The following GRAMD4 variants were observed in gnomAD, a reference collection of about 807,000 sequenced individuals.
GRAMD4 encodes the protein GRAM domain-containing protein 4.
GRAMD4 carries 25 observed loss-of-function variants against 83.9 expected under a neutral mutation model. The observed-to-expected ratio is 0.30, with a 90% CI of 0.22 to 0.42. The LOEUF (loss-of-function observed/expected upper bound fraction) is 0.42, where lower values mean the gene tolerates loss of function less well. Ranked by LOEUF, GRAMD4 falls within the 10% of genes least tolerant of loss-of-function variation. GRAMD4 has a pLI of 1.00. For missense variants in GRAMD4, 593 were observed against 788.7 expected (o/e 0.75, Z 2.97); for synonymous variants, 336 against 320.9 (o/e 1.05, Z -0.50).
chr22:46,676,732 C>A, intron 18 of GRAMD4, 64 bp downstream of exon 18: 1 of 1,423,526 alleles, frequency 7.0e-7, no homozygotes, highest in Non-Finnish European at 9.6e-7. Flanking sequence ...CTCTGAGCAA[C>A]CCTGGGACCA....
rs1458181211 is a variant in GRAMD4, at chr22:46,658,181, C to T, written c.284-6C>T. On this transcript the variant is annotated splice_region_variant and splice_polypyrimidine_tract_variant and intron_variant, in intron 3 of 18. Coordinates refer to ENST00000406902, the MANE Select transcript of GRAMD4 (RefSeq NM_015124.5). The stretch of plus-strand genomic sequence containing the variant: ...GATGGTCACCTGGCCGTTCTCTCCC[C>T]CATAGAGGAGGAGCTCCGGAAGCTG... 1 of 1,613,542 alleles carries T rather than the reference C, an allele frequency of 6.2e-7. No individual in the cohort carries two copies. The highest frequency in any genetic ancestry group is 8.5e-7 in the Non-Finnish European group (1 of 1,179,924).
At position 46,677,508 on chromosome 22, in the gene GRAMD4, G is replaced by A. The variant is rs2082617109; in HGVS notation, c.*257G>A. The A allele has an allele frequency of 6.4e-6, 8 of 1,256,464 alleles. No homozygotes were observed. The highest frequency in any genetic ancestry group is 8.0e-6 in the Non-Finnish European group (8 of 995,848). The allele number at this position is 1,256,464 out of a possible 1,614,324, so 77.8% of individuals were successfully genotyped here. On this transcript the variant is annotated 3_prime_UTR_variant, in exon 19 of 19. Transcript: ENST00000406902. ...GGGCCACCCGCAGACTGGGGGAGGG[G>A]GCAGAGGCCCTCGGGGGCCCGTGGA...
chr22:46,590,812 A>G (rs921842634), intron 1 of GRAMD4, among the ~76,000 whole-genome samples: 9 of 152,174 alleles, frequency 5.9e-5, no homozygotes, highest in African/African-American at 2.2e-4. Flanking sequence ...TGTAATCCCA[A>G]CACTTTGGGA....
chr22:46,611,585 C>T (rs1465132169), intron 1 of GRAMD4, among the ~76,000 whole-genome samples: 2 of 152,172 alleles, frequency 1.3e-5, no homozygotes, highest in South Asian at 2.1e-4. Context: ...TTGTCACTCT[C>T]GTCCTTTCAT....
rs764803035 is a variant in GRAMD4 at position 46,637,977 on chromosome 22, G to T, written c.283+17G>T. 2 of 1,611,790 alleles carry T rather than the reference G, an allele frequency of 1.2e-6. No individual in the cohort carries two copies. Among genetic ancestry groups the T allele is most frequent in the Non-Finnish European group, 1.7e-6 (2 of 1,178,580 alleles). Reference sequence around the variant, plus strand: ...ATTTCTTACGTGAGTACCAGAAAGCGCTTGGAGGGGATGGGACAAGGTGGG... The same window carrying T: ...ATTTCTTACGTGAGTACCAGAAAGCTCTTGGAGGGGATGGGACAAGGTGGG... On this transcript the variant is annotated intron_variant, in intron 3 of 18. Coordinates refer to ENST00000406902, the MANE Select transcript of GRAMD4 (RefSeq NM_015124.5).
chr22:46,624,693 A>G (rs2081628180), intron 1 of GRAMD4, among the ~76,000 whole-genome samples: 1 of 152,032 alleles, frequency 6.6e-6, no homozygotes, highest in South Asian at 2.1e-4. Context: ...TGCAATTTGT[A>G]GCTCCTATAT....
intron 1 of GRAMD4, among the ~76,000 whole-genome samples, chr22:46,587,146 G>A (rs1468903129): frequency 6.6e-6 from 1 of 152,208 alleles, no homozygotes; most frequent in Non-Finnish European, 1.5e-5. Context: ...CTGGGGGAAT[G>A]CTCAGCTGAC....
At chr22:46,653,013 G>T (rs993285394) in intron 3 of GRAMD4, among the ~76,000 whole-genome samples, 1 of 152,220 alleles carries the variant, frequency 6.6e-6, no homozygotes, top group Non-Finnish European at 1.5e-5. Flanking sequence ...AGAGACAGCA[G>T]CTTGGCCTTG....
chr22:46,654,254 G>A (rs572004034), intron 3 of GRAMD4, among the ~76,000 whole-genome samples: 93 of 152,304 alleles, frequency 6.1e-4, no homozygotes, highest in African/African-American at 2.2e-3. Flanking sequence ...ACCCCTCGGA[G>A]GAAGGGTCCC....
intron 6 of GRAMD4, among the ~76,000 whole-genome samples, chr22:46,663,506 C>T (rs1262799830): frequency 6.6e-6 from 1 of 152,226 alleles, no homozygotes; most frequent in Non-Finnish European, 1.5e-5. Flanking sequence ...CTGCCAGGTG[C>T]TGCCATAGGC....
chr22:46,582,293 T>G (rs2081106065), intron 1 of GRAMD4, among the ~76,000 whole-genome samples: 1 of 151,930 alleles, frequency 6.6e-6, no homozygotes, highest in Admixed American at 6.6e-5. Flanking sequence ...GCCACCAAAC[T>G]CCCGAGAAGC....
At position 46,668,911 on chromosome 22, in the gene GRAMD4, A is replaced by G. The variant is rs764985434; in HGVS notation, c.1084+3A>G. The G allele has an allele frequency of 1.3e-6, 2 of 1,545,290 alleles. No individual in the cohort carries two copies. Among genetic ancestry groups the G allele is most frequent in the South Asian group, 2.2e-5 (2 of 89,784 alleles). ...CCGCCTGGTGGGGCTTGCCGTGGGT[A>G]AGTAGATGCACCTGCGGCCTGTAGC... On this transcript the variant is annotated splice_donor_region_variant and intron_variant, in intron 13 of 18. Transcript: ENST00000406902.
chr22:46,599,996 C>T (rs558778506), intron 1 of GRAMD4, among the ~76,000 whole-genome samples: 8 of 152,324 alleles, frequency 5.3e-5, no homozygotes, highest in East Asian at 1.9e-4. Flanking sequence ...CTGTGAATCT[C>T]ATCTGACCTT....
intron 1 of GRAMD4, among the ~76,000 whole-genome samples, chr22:46,583,714 C>G (rs1317258943): frequency 6.6e-6 from 1 of 152,256 alleles, no homozygotes; most frequent in African/African-American, 2.4e-5. Context: ...ATGGTGCCCT[C>G]TAACCACGTC....
intron 2 of GRAMD4, among the ~76,000 whole-genome samples, chr22:46,632,436 T>G (rs73891413): frequency 0.023 from 3,537 of 152,280 alleles, 144 homozygotes; most frequent in African/African-American, 0.081. Context: ...CTAGAAAAGC[T>G]GAAGAACTGA....
At chr22:46,617,044 G>A (rs1213249837), upstream of GRAMD4, among the ~76,000 whole-genome samples, 7 of 137,720 alleles carry the variant, frequency 5.1e-5, no homozygotes, top group African/African-American at 8.3e-5. Flanking sequence ...TCCCCTGTGC[G>A]TGTGGGTTCC....
intron 2 of GRAMD4, among the ~76,000 whole-genome samples, chr22:46,630,651 C>T (rs974023667): frequency 1.3e-5 from 2 of 152,352 alleles, no homozygotes; most frequent in Admixed American, 6.5e-5. Flanking sequence ...CCCCAAGCAG[C>T]CTCACTCCTG....
At chr22:46,577,893 T>G (rs1464555759) in intron 1 of GRAMD4, among the ~76,000 whole-genome samples, 2 of 152,168 alleles carry the variant, frequency 1.3e-5, no homozygotes, top group African/African-American at 2.4e-5. Context: ...TGCCAGAACG[T>G]GGGGTGCAGT....
chr22:46,628,885 G>A (rs896162140), intron 2 of GRAMD4, among the ~76,000 whole-genome samples: 12 of 152,082 alleles, frequency 7.9e-5, no homozygotes, highest in Admixed American at 3.9e-4. Context: ...AGGGTATGGC[G>A]CTAGCGGTGT....
Sources: gnomAD v4.1 joint callset for allele counts (sites outside exome capture counted in the v4.1 genomes callset) on GRCh38, gnomAD v4.1.1 for gene constraint, MANE v1.5 for transcripts, NCBI Gene and HGNC (gene_info 2026-07-23, HGNC 2026-07-21) for gene names.